Variants in PRKN observed in about 807,000 individuals in gnomAD.
The protein encoded by PRKN is E3 ubiquitin-protein ligase parkin.
Under a neutral mutation model 59.5 loss-of-function variants are expected in PRKN, and 56 were observed. The ratio of observed to expected loss-of-function variants is 0.94; its 90% CI spans 0.76 to 1.18. PRKN has a LOEUF of 1.18. Among genes scored for constraint, PRKN ranks in the 50% most tolerant of loss-of-function variants. PRKN has a pLI of 0.00. For missense variants in PRKN, 657 were observed against 596.4 expected, an observed-to-expected ratio of 1.10 and a Z score of -1.06; for synonymous variants, 250 against 222.1, an observed-to-expected ratio of 1.13 and a Z score of -1.12.
rs1231453218 is a variant in PRKN at position 161,355,713 on chromosome 6, T to C, written c.1285+4375A>G. On this transcript the variant is annotated intron_variant, in intron 11 of 11. Transcript: ENST00000366898. This position sits in a 1 kb window ranked among gnomAD's most constrained non-coding sequence, Gnocchi z 6.8. The stretch of plus-strand genomic sequence containing the variant: ...GAGTCACCACGCCCGGCCTACAAGC[T>C]AAGTTTTAATTCAGCAAATATTTTT... Among the ~76,000 whole-genome samples the C allele has an allele frequency of 1.3e-5, 2 of 152,150 alleles. No individual in the cohort carries two copies. The highest frequency in any genetic ancestry group is 3.9e-4 in the East Asian group (2 of 5,190).
Position 161,401,743 on chromosome 6 carries a change from C to T in PRKN, c.1084-14866G>A, listed in dbSNP as rs1209123628. Among the ~76,000 whole-genome samples, 1 of 152,184 alleles carries T rather than the reference C, an allele frequency of 6.6e-6. No individual in the cohort carries two copies. The highest frequency in any genetic ancestry group is 2.4e-5 in the African/African-American group (1 of 41,418). On this transcript the variant is annotated intron_variant, in intron 9 of 11. Transcript: ENST00000366898. The surrounding 1 kb of genome is among the most constrained non-coding windows in gnomAD (Gnocchi z 4.4). ...GAACACTTTCTAGGCTTGTGTCTCT[C>T]CATGAGATTCTCAGACAGCTGCATT...
intron 7 of PRKN, among the ~76,000 whole-genome samples, chr6:161,574,570 T>C (rs1201093503): frequency 6.6e-6 from 1 of 152,124 alleles, no homozygotes; most frequent in African/African-American, 2.4e-5. Context: ...TGGGTGAAAC[T>C]GGTATCAAAC....
intron 1 of PRKN, among the ~76,000 whole-genome samples, chr6:162,452,278 G>C (rs563721164): frequency 6.6e-6 from 1 of 152,086 alleles, no homozygotes; most frequent in African/African-American, 2.4e-5. Context: ...AAGTGAAATG[G>C]TACAAGACAG....
chr6:161,750,228 G>A (rs1562654349), intron 7 of PRKN, among the ~76,000 whole-genome samples: 1 of 151,932 alleles, frequency 6.6e-6, no homozygotes, highest in East Asian at 1.9e-4. Flanking sequence ...TAGATATGTT[G>A]AGATTTTTAC....
At position 161,358,943 on chromosome 6, in the gene PRKN, C is replaced by T. The variant is rs183530827; in HGVS notation, c.1285+1145G>A. ...CAGAGTAGCTGGGACTACAGGCGCC[C>T]GCCACCACACCCGGCTAATTTTTTG... On this transcript the variant is annotated intron_variant, in intron 11 of 11. Coordinates refer to ENST00000366898, the MANE Select transcript of PRKN (RefSeq NM_004562.3). Among the ~76,000 whole-genome samples, 1,192 of 151,854 alleles carry T rather than the reference C, an allele frequency of 7.8e-3. 20 individuals carry two copies. Among genetic ancestry groups the T allele is most frequent in the African/African-American group, 0.028 (1,146 of 41,458 alleles).
At chr6:162,243,422 T>C (rs1001025605) in intron 3 of PRKN, among the ~76,000 whole-genome samples, 1 of 152,060 alleles carries the variant, frequency 6.6e-6, no homozygotes, top group African/African-American at 2.4e-5. Context: ...AAGCTTAACA[T>C]CACACACACA....
intron 7 of PRKN, among the ~76,000 whole-genome samples, chr6:161,583,801 C>T (rs551417107): frequency 1.4e-4 from 22 of 152,276 alleles, no homozygotes; most frequent in East Asian, 3.9e-4. Flanking sequence ...CATACATCAT[C>T]GTTTTTAATG....
chr6:161,778,122 A>C (rs1362509201), intron 7 of PRKN, among the ~76,000 whole-genome samples: 5 of 152,008 alleles, frequency 3.3e-5, no homozygotes, highest in East Asian at 3.9e-4. Flanking sequence ...AAAGCACAGA[A>C]GATCCTGGAA....
At chr6:162,619,767 T>G (rs942639715) in intron 1 of PRKN, among the ~76,000 whole-genome samples, 37 of 152,226 alleles carry the variant, frequency 2.4e-4, no homozygotes, top group African/African-American at 8.4e-4. Flanking sequence ...GACTGAAGCA[T>G]GTTGAATAAA....
intron 2 of PRKN, among the ~76,000 whole-genome samples, chr6:162,400,662 C>T (rs1787747679): frequency 6.6e-6 from 1 of 151,986 alleles, no homozygotes; most frequent in African/African-American, 2.4e-5. Context: ...GCACTTTGTC[C>T]TGACTGTAAA....
intron 1 of PRKN, among the ~76,000 whole-genome samples, chr6:162,682,262 T>A (rs1187154162): frequency 6.6e-6 from 1 of 151,836 alleles, no homozygotes; most frequent in African/African-American, 2.4e-5. Flanking sequence ...TTATTATATA[T>A]CCCAAAGGAA....
intron 7 of PRKN, among the ~76,000 whole-genome samples, chr6:161,682,676 C>G (rs1439061958): frequency 6.6e-6 from 1 of 152,174 alleles, no homozygotes; most frequent in Non-Finnish European, 1.5e-5. Flanking sequence ...CTTTTGTCTT[C>G]TGTGGTTTCT....
At chr6:162,085,246 G>T (rs1779206172) in intron 4 of PRKN, among the ~76,000 whole-genome samples, 1 of 151,352 alleles carries the variant, frequency 6.6e-6, no homozygotes, top group Non-Finnish European at 1.5e-5. Context: ...GGAGGTGAAA[G>T]ATAAGGAATT....
At chr6:162,284,396 G>C (rs1196098931) in intron 2 of PRKN, among the ~76,000 whole-genome samples, 3 of 151,670 alleles carry the variant, frequency 2.0e-5, no homozygotes, top group African/African-American at 7.3e-5. Flanking sequence ...AGCTAATTTT[G>C]TATTTTTAGT....
chr6:162,615,705 T>C (rs1048989512), intron 1 of PRKN, among the ~76,000 whole-genome samples: 1 of 152,216 alleles, frequency 6.6e-6, no homozygotes, highest in Non-Finnish European at 1.5e-5. Flanking sequence ...AATTATCAAA[T>C]GTGCCAGCAT....
chr6:162,508,831 G>A (rs1327322499), intron 1 of PRKN, among the ~76,000 whole-genome samples: 1 of 152,014 alleles, frequency 6.6e-6, no homozygotes, highest in African/African-American at 2.4e-5. Flanking sequence ...CAGCCTGGGT[G>A]ACACAGCAAG....
intron 6 of PRKN, among the ~76,000 whole-genome samples, chr6:161,916,983 T>C (rs1012125029): frequency 6.6e-6 from 1 of 151,300 alleles, no homozygotes; most frequent in African/African-American, 2.4e-5. Flanking sequence ...TTTGTATTTT[T>C]AGTAGAGAGA....
Position 162,311,215 on chromosome 6 carries a change from A to G in PRKN, c.172-48450T>C, listed in dbSNP as rs140081198. 1.6e-3 allele frequency among the ~76,000 whole-genome samples: 251 copies of G among 152,258 alleles called. 1 individual carries two copies. The highest frequency in any genetic ancestry group is 2.0e-3 in the Non-Finnish European group (137 of 68,018). On this transcript the variant is annotated intron_variant, in intron 2 of 11. Coordinates refer to ENST00000366898, the MANE Select transcript of PRKN (RefSeq NM_004562.3). ...AACTTTGAGATTTAAAACACTTGCT[A>G]TAAGAATAGATTTGTTAAAATATTT...
intron 7 of PRKN, among the ~76,000 whole-genome samples, chr6:161,603,402 C>T (rs1782173226): frequency 6.6e-6 from 1 of 152,208 alleles, no homozygotes; most frequent in South Asian, 2.1e-4. Flanking sequence ...CAAACTTTAG[C>T]CAATTACATA....
Sources: gnomAD v4.1 joint callset for allele counts (sites outside exome capture counted in the v4.1 genomes callset) on GRCh38, gnomAD v4.1.1 for gene constraint, Gnocchi (gnomAD v3.1) non-coding constraint, MANE v1.5 for transcripts, NCBI Gene and HGNC (gene_info 2026-07-23, HGNC 2026-07-21) for gene names.